GLIS3: variants seen among roughly 807,000 people sequenced by gnomAD.
The protein encoded by GLIS3 is GLIS family zinc finger 3, also known as zinc finger protein GLIS3.
Under a neutral mutation model 78.6 loss-of-function variants are expected in GLIS3, and 53 were observed. That is an observed-to-expected ratio of 0.67 (90% confidence interval 0.54 to 0.85). The LOEUF is 0.85. GLIS3 is among the 40% of genes least tolerant of loss of function. The pLI is 0.00. For missense variants in GLIS3, 1,703 were observed against 1,231.1 expected (o/e 1.38, Z -5.74); for synonymous variants, 684 against 509.9 (o/e 1.34, Z -4.60).
At chr9:3,872,719 G>A (rs1236991891) in intron 8 of GLIS3, among the ~76,000 whole-genome samples, 2 of 152,168 alleles carry the variant, frequency 1.3e-5, no homozygotes, top group Non-Finnish European at 2.9e-5. Flanking sequence ...GATGAGATTT[G>A]GGTGCGGACA....
At chr9:4,190,179 C>G (rs9775516) in intron 2 of GLIS3, among the ~76,000 whole-genome samples, 2 of 152,242 alleles carry the variant, frequency 1.3e-5, no homozygotes, top group South Asian at 4.1e-4. Flanking sequence ...CAAAGCTGGA[C>G]GGAGAATGAC....
chr9:4,195,596 C>T (rs372441941), intron 2 of GLIS3, among the ~76,000 whole-genome samples: 91 of 152,378 alleles, frequency 6.0e-4, no homozygotes, highest in African/African-American at 1.9e-3. Context: ...GGCTCCCACG[C>T]GGCCTGAGCC....
At chr9:4,103,470 T>A (rs970116172) in intron 4 of GLIS3, among the ~76,000 whole-genome samples, 2 of 152,044 alleles carry the variant, frequency 1.3e-5, no homozygotes, top group Non-Finnish European at 2.9e-5. Context: ...CACTGAGAGA[T>A]TAACTTATTA....
chr9:4,313,530 C>A (rs1205633382), intron 2 of GLIS3, among the ~76,000 whole-genome samples: 1 of 152,342 alleles, frequency 6.6e-6, no homozygotes, highest in South Asian at 2.1e-4. Context: ...TCTCTCCCCA[C>A]ACAAATTTGG....
intron 2 of GLIS3, among the ~76,000 whole-genome samples, chr9:4,255,476 C>T (rs1049210602): frequency 6.6e-6 from 1 of 152,110 alleles, no homozygotes; most frequent in African/African-American, 2.4e-5. Context: ...AGATGCCCAT[C>T]AGTGGGTGAA....
chr9:4,138,323 G>A (rs549498435), intron 2 of GLIS3, among the ~76,000 whole-genome samples: 17 of 152,314 alleles, frequency 1.1e-4, no homozygotes, highest in South Asian at 6.2e-4. Flanking sequence ...GTCCTAGGCC[G>A]TACAGCTAGC....
upstream of GLIS3, among the ~76,000 whole-genome samples, chr9:4,304,764 A>T (rs926470434): frequency 6.6e-6 from 1 of 152,102 alleles, no homozygotes; most frequent in Non-Finnish European, 1.5e-5. Context: ...CTCCTCCCCA[A>T]CTCACCTCAA....
intron 2 of GLIS3, among the ~76,000 whole-genome samples, chr9:4,283,215 C>G (rs980372377): frequency 6.6e-6 from 1 of 151,886 alleles, no homozygotes; most frequent in Admixed American, 6.6e-5. Context: ...GTGGCCATAT[C>G]ATTCTGAGTG....
At chr9:4,217,369 T>G (rs916238613) in intron 2 of GLIS3, among the ~76,000 whole-genome samples, 3 of 152,164 alleles carry the variant, frequency 2.0e-5, no homozygotes, top group African/African-American at 7.2e-5. Flanking sequence ...TCATCCCAAG[T>G]CTATCAGAAT....
intron 6 of GLIS3, among the ~76,000 whole-genome samples, chr9:3,908,157 T>C (rs372461890): frequency 3.9e-4 from 59 of 152,298 alleles, no homozygotes; most frequent in African/African-American, 1.3e-3. Flanking sequence ...CAAACCTCCA[T>C]CTTATGCCCA....
intron 4 of GLIS3, among the ~76,000 whole-genome samples, chr9:3,996,489 AACTTT>A (rs1179877116): frequency 3.7e-4 from 57 of 152,308 alleles, no homozygotes; most frequent in Non-Finnish European, 6.6e-4. Flanking sequence ...GATACTGATT[AACTTT>A]ACTTTCTGTT....
chr9:4,107,611 C>T (rs1395105110), intron 4 of GLIS3, among the ~76,000 whole-genome samples: 3 of 152,214 alleles, frequency 2.0e-5, no homozygotes, highest in African/African-American at 7.2e-5. Flanking sequence ...ATAGTATTCA[C>T]TTCTTATCAT....
intron 4 of GLIS3, among the ~76,000 whole-genome samples, chr9:4,064,189 G>C (rs1394587054): frequency 6.6e-6 from 1 of 151,954 alleles, no homozygotes; most frequent in Non-Finnish European, 1.5e-5. Flanking sequence ...CCTATTTACT[G>C]AGGAAAAAAT....
chr9:4,094,204 G>A (rs1302826772), intron 4 of GLIS3, among the ~76,000 whole-genome samples: 1 of 152,188 alleles, frequency 6.6e-6, no homozygotes, highest in Non-Finnish European at 1.5e-5. Context: ...AGGAAAACAA[G>A]CTGGGTCATC....
At position 3,886,005 on chromosome 9, in the gene GLIS3, G is replaced by A. The variant is rs544000725; in HGVS notation, c.2129-6410C>T. On this transcript the variant is annotated intron_variant, in intron 7 of 10. Transcript: ENST00000381971. ...TGTGACGAGGATTATAGAATGAGCA[G>A]AAAACACTGAGCATATGCCTGAACG... is the stretch of plus-strand genomic sequence containing the variant. 2.0e-5 allele frequency among the ~76,000 whole-genome samples: 3 copies of A among 152,344 alleles called. No individual in the cohort carries two copies. In the South Asian group the frequency reaches 6.2e-4, roughly 32 times the overall value.
chr9:3,882,154 C>T (rs77164317), intron 7 of GLIS3, among the ~76,000 whole-genome samples: 8 of 152,164 alleles, frequency 5.3e-5, no homozygotes, highest in Admixed American at 2.0e-4. Flanking sequence ...AAGACATCCT[C>T]GGTGCCTGGT....
intron 9 of GLIS3, chr9:3,855,601 C>T: frequency 3.7e-6 from 1 of 272,068 alleles, no homozygotes; most frequent in Non-Finnish European, 7.2e-6. Context: ...GTCATTCCAC[C>T]TGCGCCTTGA....
chr9:4,235,489 G>T (rs1587083547), intron 2 of GLIS3, among the ~76,000 whole-genome samples: 1 of 152,264 alleles, frequency 6.6e-6, no homozygotes, highest in East Asian at 1.9e-4. Flanking sequence ...ATTATGTTCA[G>T]AAGGTTTCTT....
chr9:4,071,165 G>C (rs889302192), intron 4 of GLIS3: 1 of 152,194 alleles, frequency 6.6e-6, no homozygotes, highest in Non-Finnish European at 1.5e-5. Flanking sequence ...ACAATGCAAC[G>C]TTGGGAGGCA....
Sources: allele counts gnomAD v4.1 joint callset (sites outside exome capture counted in the v4.1 genomes callset), GRCh38; gene constraint gnomAD v4.1.1; transcripts MANE v1.5; gene names NCBI Gene and HGNC (gene_info 2026-07-23, HGNC 2026-07-21).